TFEC: variants seen among roughly 807,000 people sequenced by gnomAD.
TFEC encodes the protein class E basic helix-loop-helix protein 34.
Under a neutral mutation model 41.6 loss-of-function variants are expected in TFEC, and 31 were observed. That is an observed-to-expected ratio of 0.74 (90% CI 0.56 to 1.01). The LOEUF (loss-of-function observed/expected upper bound fraction) is 1.01. TFEC is among the 50% of genes least tolerant of loss of function. The pLI, the probability that TFEC is intolerant of heterozygous loss-of-function variation, is 0.00. For synonymous variants in TFEC, 143 were observed against 140.6 expected, an observed-to-expected ratio of 1.02 and a Z score of -0.12; for missense variants, 402 against 404.1, an observed-to-expected ratio of 0.99 and a Z score of 0.04.
chr7:116,075,374 T>A (rs1796934249), intron 3 of TFEC, among the ~76,000 whole-genome samples: 1 of 152,152 alleles, frequency 6.6e-6, no homozygotes, highest in Admixed American at 6.6e-5. Context: ...GCTGAGGGAA[T>A]CCACAGACCC....
intron 1 of TFEC, among the ~76,000 whole-genome samples, chr7:116,139,293 G>GCTCTTACTCA: frequency 6.6e-6 from 1 of 152,256 alleles, no homozygotes; most frequent in Middle Eastern, 3.4e-3. Flanking sequence ...GAGCTAACAC[G>GCTCTTACTCA]GGCGTCCCAG....
intron 3 of TFEC, among the ~76,000 whole-genome samples, chr7:116,086,365 G>A (rs1274112173): frequency 6.6e-6 from 1 of 151,740 alleles, no homozygotes; most frequent in Non-Finnish European, 1.5e-5. Flanking sequence ...CAAAGAATGT[G>A]AGAAAAGCCA....
At chr7:116,028,504 T>C (rs1795667917) in intron 1 of TFEC, among the ~76,000 whole-genome samples, 1 of 152,206 alleles carries the variant, frequency 6.6e-6, no homozygotes, top group African/African-American at 2.4e-5. Flanking sequence ...AGACTCTTCT[T>C]AGTAAACACC....
chr7:116,000,369 A>G (rs940650323), intron 1 of TFEC, among the ~76,000 whole-genome samples: 1 of 152,184 alleles, frequency 6.6e-6, no homozygotes, highest in Non-Finnish European at 1.5e-5. Context: ...CAGGAAAAAA[A>G]CTGAAATCCT....
chr7:116,099,740 T>C (rs1797561764), intron 3 of TFEC, among the ~76,000 whole-genome samples: 1 of 152,188 alleles, frequency 6.6e-6, no homozygotes. Flanking sequence ...CAGAGAATCA[T>C]GAAGAAGTAA....
At chr7:115,979,029 A>ACCAAC (rs1317838484) in intron 2 of TFEC, among the ~76,000 whole-genome samples, 1 of 152,148 alleles carries the variant, frequency 6.6e-6, no homozygotes, top group Non-Finnish European at 1.5e-5. Flanking sequence ...TCTAGCTGTC[A>ACCAAC]CCAACATCTC....
upstream of TFEC, among the ~76,000 whole-genome samples, chr7:116,035,597 TA>T (rs1562945702): frequency 6.6e-6 from 1 of 151,956 alleles, no homozygotes; most frequent in South Asian, 2.1e-4. Context: ...TTTTGAAAAT[TA>T]AAAAAGTAAA....
chr7:116,065,833 A>G (rs1303160916), intron 3 of TFEC, among the ~76,000 whole-genome samples: 3 of 152,120 alleles, frequency 2.0e-5, no homozygotes, highest in Non-Finnish European at 4.4e-5. Context: ...ATGATGCCCT[A>G]TTGTTCCTTA....
At chr7:116,079,930 G>T (rs1325592000) in intron 3 of TFEC, among the ~76,000 whole-genome samples, 1 of 151,706 alleles carries the variant, frequency 6.6e-6, no homozygotes, top group Non-Finnish European at 1.5e-5. Flanking sequence ...ACTTCAAAAG[G>T]TACTACAAGG....
intron 1 of TFEC, among the ~76,000 whole-genome samples, chr7:116,112,897 A>G (rs1051451103): frequency 6.6e-6 from 1 of 152,036 alleles, no homozygotes; most frequent in Non-Finnish European, 1.5e-5. Flanking sequence ...AAAACTTATT[A>G]AAAATAGGAA....
At chr7:116,050,348 T>C (rs1020844494) in intron 3 of TFEC, among the ~76,000 whole-genome samples, 3 of 152,130 alleles carry the variant, frequency 2.0e-5, no homozygotes, top group Admixed American at 1.3e-4. Flanking sequence ...GAGAATACTA[T>C]AAACACCTCT....
rs184908739 is a variant in TFEC, at chr7:116,103,130, G to A, written c.198+7578C>T. On this transcript the variant is annotated intron_variant, in intron 3 of 8. Transcript: ENST00000484212. ...TAATAACGATTACCTGAAACTGGCA[G>A]AACATTTTCAGGGAGAGGCCAGAAG... 2.6e-5 allele frequency among the ~76,000 whole-genome samples: 4 copies of A among 152,262 alleles called. No homozygotes were observed. The East Asian group carries it at 7.7e-4, about 29-fold the overall frequency.
chr7:116,157,780 T>C (rs1192837045), intron 1 of TFEC, among the ~76,000 whole-genome samples: 1 of 152,146 alleles, frequency 6.6e-6, no homozygotes, highest in Non-Finnish European at 1.5e-5. Flanking sequence ...CACTTTGTTT[T>C]CTCACCTGTA....
intron 3 of TFEC, among the ~76,000 whole-genome samples, chr7:115,970,714 T>C (rs1241092416): frequency 6.6e-6 from 1 of 151,910 alleles, no homozygotes; most frequent in African/African-American, 2.4e-5. Flanking sequence ...AGGACAATTA[T>C]TCACATAGGA....
chr7:115,959,211 G>A (rs930635488), intron 3 of TFEC, among the ~76,000 whole-genome samples: 9 of 151,574 alleles, frequency 5.9e-5, no homozygotes, highest in Non-Finnish European at 1.0e-4. Context: ...AAACTTTAAA[G>A]ACATAAAATA....
rs114079805 is a variant in TFEC at position 115,988,735 on chromosome 7, C to T, written c.-72-4222G>A. ...CCACAGATCCAGGAAGCTCAGAGAA[C>T]ACCAAGCAGAACAAATGCCAAATGA... On this transcript the variant is annotated intron_variant, in intron 1 of 7. Coordinates refer to ENST00000265440, the MANE Select transcript of TFEC (RefSeq NM_012252.4). Among the ~76,000 whole-genome samples, 378 of 151,960 alleles carry T rather than the reference C, an allele frequency of 2.5e-3. 1 individual carries two copies. Among genetic ancestry groups the T allele is most frequent in the African/African-American group, 8.7e-3 (362 of 41,474 alleles).
rs1230462426 is a variant in TFEC, at chr7:115,936,361, C to T, written c.*4190G>A. Reference sequence around the variant, plus strand: ...CATAGAGACTATGCCATTATCAATACTGAAACAAAATTCAATCCTTCGGGT... The same window carrying T: ...CATAGAGACTATGCCATTATCAATATTGAAACAAAATTCAATCCTTCGGGT... On this transcript the variant is annotated 3_prime_UTR_variant, in exon 8 of 8. Transcript: ENST00000265440. 1 of 151,620 alleles carries T rather than the reference C, an allele frequency of 6.6e-6. No homozygotes were observed. The highest frequency in any genetic ancestry group is 2.4e-5 in the African/African-American group (1 of 41,414). The allele number at this position is 151,620 out of a possible 1,614,324, so 9.4% of individuals were successfully genotyped here.
At chr7:116,050,949 A>G (rs1584454685) in intron 3 of TFEC, among the ~76,000 whole-genome samples, 1 of 152,236 alleles carries the variant, frequency 6.6e-6, no homozygotes, top group Non-Finnish European at 1.5e-5. Context: ...CATACACACC[A>G]TGGAATACTA....
upstream of TFEC, among the ~76,000 whole-genome samples, chr7:116,032,833 A>T (rs1265384539): frequency 6.6e-6 from 1 of 152,166 alleles, no homozygotes; most frequent in African/African-American, 2.4e-5. Context: ...TGAACTTAAA[A>T]TAATAGTTAA....
Sources: allele counts gnomAD v4.1 joint callset (sites outside exome capture counted in the v4.1 genomes callset), GRCh38; gene constraint gnomAD v4.1.1; transcripts MANE v1.5; gene names NCBI Gene and HGNC (gene_info 2026-07-23, HGNC 2026-07-21).